Variants in PLEKHA6 observed in about 807,000 individuals in gnomAD.
PLEKHA6 encodes pleckstrin homology domain containing A6.
PLEKHA6 carries 60 observed loss-of-function variants against 116.7 expected under a neutral mutation model. That is an observed-to-expected ratio of 0.51 (90% confidence interval 0.42 to 0.64). The LOEUF (loss-of-function observed/expected upper bound fraction) is 0.64, where lower values mean the gene tolerates loss of function less well. Ranked by LOEUF, PLEKHA6 falls within the 30% of genes least tolerant of loss-of-function variation. The probability of loss-of-function intolerance (pLI) is 0.00; values close to 1 mark genes in which losing one functional copy is unlikely to be tolerated. For synonymous variants in PLEKHA6, 489 were observed against 556.1 expected (o/e 0.88, Z 1.70); for missense variants, 1,338 against 1,422.7 (o/e 0.94, Z 0.96).
intron 2 of PLEKHA6, among the ~76,000 whole-genome samples, chr1:204,370,682 C>A (rs978734550): frequency 5.9e-5 from 9 of 152,172 alleles, no homozygotes; most frequent in Non-Finnish European, 1.3e-4. Context: ...AGCCTTGTCC[C>A]CTTTCATGTT....
chr1:204,342,118 G>A (rs757176403), intron 1 of PLEKHA6, among the ~76,000 whole-genome samples: 1 of 152,154 alleles, frequency 6.6e-6, no homozygotes, highest in African/African-American at 2.4e-5. Flanking sequence ...CTGGGAGGCA[G>A]AGGTTGCAGT....
intron 1 of PLEKHA6, chr1:204,327,023 C>G: frequency 1.0e-6 from 1 of 985,282 alleles, no homozygotes; most frequent in Non-Finnish European, 1.2e-6. Context: ...AAAGCAGCTA[C>G]TTGGGTTTCA....
At chr1:204,308,764 C>A (rs1276977366) in intron 1 of PLEKHA6, among the ~76,000 whole-genome samples, 1 of 128,220 alleles carries the variant, frequency 7.8e-6, no homozygotes, top group African/African-American at 3.1e-5. Flanking sequence ...TCTTGGCTCA[C>A]TGCAAGCTCC....
chr1:204,278,131 C>T (rs1000432865), intron 1 of PLEKHA6, among the ~76,000 whole-genome samples: 12 of 152,296 alleles, frequency 7.9e-5, no homozygotes, highest in African/African-American at 2.4e-4. Flanking sequence ...AGATGGTCAG[C>T]GCTCCCCCCT....
At chr1:204,335,664 G>T (rs1467125577) in intron 1 of PLEKHA6, among the ~76,000 whole-genome samples, 1 of 152,012 alleles carries the variant, frequency 6.6e-6, no homozygotes, top group Non-Finnish European at 1.5e-5. Context: ...CAGAGACAAA[G>T]GTGACCTTGG....
rs192491706 is a variant in PLEKHA6, at chr1:204,237,250, T to A, written c.2409+4125A>T. On this transcript the variant is annotated intron_variant, in intron 17 of 22. Transcript: ENST00000272203. ...TGCCAGAATGCATAATTGGCATAGA[T>A]ATACTTAGCAGCTGGAAGAACCCCC... is the stretch of plus-strand genomic sequence containing the variant. Among the ~76,000 whole-genome samples the A allele has an allele frequency of 2.2e-3, 331 of 152,296 alleles. 2 individuals carry two copies. Among genetic ancestry groups the A allele is most frequent in the African/African-American group, 6.9e-3 (286 of 41,556 alleles).
At chr1:204,251,583 A>G (rs758669948) in intron 9 of PLEKHA6, 2 of 702,976 alleles carry the variant, frequency 2.8e-6, no homozygotes, top group South Asian at 1.5e-5. Flanking sequence ...GCGGTTCACC[A>G]TACTGATGAG....
In PLEKHA6 at chr1:204,259,155, C is replaced by T; in HGVS notation, c.1007+103G>A. The T allele has an allele frequency of 7.4e-7, 1 of 1,357,100 alleles. No homozygotes were observed. The highest frequency in any genetic ancestry group is 1.0e-6 in the Non-Finnish European group (1 of 1,002,672). 84.1% of individuals were successfully genotyped at this position (1,357,100 alleles called of 1,614,324 possible). A position where few individuals can be genotyped will look rare whatever the true frequency, so the allele number is the denominator to read the frequency against. ...CTTGGTTTCCCAACTCAGCCTGCTT[C>T]CAGAAGGTTTCCAACAGGGGATGCC... is the stretch of plus-strand genomic sequence containing the variant. On this transcript the variant is annotated intron_variant, in intron 8 of 22. Coordinates refer to ENST00000272203, the MANE Select transcript of PLEKHA6 (RefSeq NM_014935.5). This position sits in a 1 kb window ranked among gnomAD's most constrained non-coding sequence, Gnocchi z 4.6.
At chr1:204,263,309 G>A (rs750240777) in intron 6 of PLEKHA6, among the ~76,000 whole-genome samples, 15 of 152,228 alleles carry the variant, frequency 9.9e-5, no homozygotes, top group Non-Finnish European at 2.1e-4. Flanking sequence ...CAAAGCCCCC[G>A]GAGCCTCTGT....
At chr1:204,293,024 C>A (rs1669930469) in intron 1 of PLEKHA6, among the ~76,000 whole-genome samples, 1 of 152,140 alleles carries the variant, frequency 6.6e-6, no homozygotes, top group African/African-American at 2.4e-5. Context: ...CCCCACCTCT[C>A]TCCCCCAACT....
At chr1:204,289,628 G>C (rs538866315) in intron 1 of PLEKHA6, among the ~76,000 whole-genome samples, 1 of 152,208 alleles carries the variant, frequency 6.6e-6, no homozygotes, top group Admixed American at 6.5e-5. Flanking sequence ...AGATCTGGAG[G>C]TGTTCTACTT....
intron 1 of PLEKHA6, among the ~76,000 whole-genome samples, chr1:204,276,130 T>G (rs1315729619): frequency 9.7e-6 from 1 of 103,044 alleles, no homozygotes; most frequent in Non-Finnish European, 2.2e-5. Context: ...TCAAAGAGTG[T>G]TTTTTTTCAG....
intron 1 of PLEKHA6, among the ~76,000 whole-genome samples, chr1:204,338,024 G>A (rs1347996980): frequency 6.6e-6 from 1 of 152,226 alleles, no homozygotes; most frequent in African/African-American, 2.4e-5. Context: ...ACCCTATGAA[G>A]TATTCTTCTC....
chr1:204,244,889 G>A lies in PLEKHA6; in HGVS notation c.2147C>T (p.Ser716Phe). Residue 716 changes from serine (S) to phenylalanine (F), a missense_variant, in exon 15 of 23, where the codon TCC becomes TTC. Physicochemically the swap from Ser to Phe is radical, Grantham distance 155. This residue lies in a region of PLEKHA6 where 1,136 missense variants were observed against 1,163.6 expected (regional missense o/e 0.98). Coordinates refer to ENST00000272203, the MANE Select transcript of PLEKHA6 (RefSeq NM_014935.5). The part of the protein sequence containing the change: ...PFSLVSGSQG[S>F]PTKPGSNEPK... ...CTCGTTGGAGCCAGGCTTGGTGGGGGACCCCTGAGAGCCCGACACCAGTGA... is the reference window on the plus strand; with the variant it reads ...CTCGTTGGAGCCAGGCTTGGTGGGGAACCCCTGAGAGCCCGACACCAGTGA... 1 of 1,560,434 alleles carries A rather than the reference G, an allele frequency of 6.4e-7. No individual in the cohort carries two copies. Among genetic ancestry groups the A allele is most frequent in the East Asian group, 2.4e-5 (1 of 40,948 alleles).
Position 204,223,353 on chromosome 1 carries a change from G to A in PLEKHA6, c.*8+109C>T. The A allele has an allele frequency of 1.4e-6, 1 of 706,086 alleles. No homozygotes were observed. Among genetic ancestry groups the A allele is most frequent in the East Asian group, 2.7e-5 (1 of 37,126 alleles). 43.7% of individuals were successfully genotyped at this position (706,086 alleles called of 1,614,324 possible). A position where few individuals can be genotyped will look rare whatever the true frequency, so the allele number is the denominator to read the frequency against. On this transcript the variant is annotated intron_variant, in intron 22 of 22. Transcript: ENST00000272203. The surrounding 1 kb of genome is among the most constrained non-coding windows in gnomAD (Gnocchi z 4.8). ...GTGGGGAGGAGCAGCACAGGGCACT[G>A]GGGTAGGGGAGAAGCAATACCAAAA...
chr1:204,273,762 A>G (rs751629046), intron 2 of PLEKHA6, 22 bp from the exon 3 acceptor site: 5 of 1,524,614 alleles, frequency 3.3e-6, no homozygotes, highest in Non-Finnish European at 3.6e-6. Context: ...TCGACCAGAG[A>G]AAAGAGATTG....
chr1:204,300,049 A>G (rs1042402323), intron 1 of PLEKHA6, among the ~76,000 whole-genome samples: 13 of 152,320 alleles, frequency 8.5e-5, no homozygotes, highest in Non-Finnish European at 7.4e-5. Context: ...GACAGTACTT[A>G]GAAGATAGAA....
At chr1:204,280,319 G>A (rs1475836507) in intron 1 of PLEKHA6, 1 of 985,242 alleles carries the variant, frequency 1.0e-6, no homozygotes, top group Non-Finnish European at 1.2e-6. Flanking sequence ...ATTAATCCAA[G>A]TTTCACGATC....
At chr1:204,249,677 C>A (rs941284182) in intron 10 of PLEKHA6, among the ~76,000 whole-genome samples, 2 of 152,152 alleles carry the variant, frequency 1.3e-5, no homozygotes, top group East Asian at 1.9e-4. Flanking sequence ...TCCCACAGAA[C>A]CTTCTCCCTT....
Sources: gnomAD v4.1 joint callset for allele counts (sites outside exome capture counted in the v4.1 genomes callset) on GRCh38, gnomAD v4.1.1 for gene constraint, gnomAD v4.1.1 regional missense constraint, Gnocchi (gnomAD v3.1) non-coding constraint, MANE v1.5 for transcripts, NCBI Gene and HGNC (gene_info 2026-07-23, HGNC 2026-07-21) for gene names.